STEAP3: variants seen among roughly 807,000 people sequenced by gnomAD.
The protein encoded by STEAP3 is STEAP3 metalloreductase, also known as metalloreductase STEAP3.
STEAP3 carries 35 observed loss-of-function variants against 34.9 expected under a neutral mutation model. The ratio of observed to expected loss-of-function variants is 1.00; its 90% confidence interval spans 0.76 to 1.33. The LOEUF (loss-of-function observed/expected upper bound fraction) is 1.33. Among genes scored for constraint, STEAP3 ranks in the 40% most tolerant of loss-of-function variants. STEAP3 has a pLI of 0.00. For synonymous variants in STEAP3, 281 were observed against 301.6 expected, an observed-to-expected ratio of 0.93 and a Z score of 0.71; for missense variants, 652 against 667.6, an observed-to-expected ratio of 0.98 and a Z score of 0.26.
intron 5 of STEAP3, among the ~76,000 whole-genome samples, chr2:119,256,325 A>G (rs1280645644): frequency 6.6e-6 from 1 of 152,124 alleles, no homozygotes; most frequent in Non-Finnish European, 1.5e-5. Context: ...TGGCTGACAC[A>G]TGTTAGCATA....
chr2:119,224,426 C>T (rs1678972635), intron 1 of STEAP3, among the ~76,000 whole-genome samples: 1 of 152,204 alleles, frequency 6.6e-6, no homozygotes, highest in African/African-American at 2.4e-5. Flanking sequence ...CTCACCAGTG[C>T]CCGCCTCTGC....
chr2:119,257,773 A>C, intron 5 of STEAP3: 1 of 1,299,848 alleles, frequency 7.7e-7, no homozygotes, highest in Non-Finnish European at 9.8e-7. Context: ...ACACATGTCC[A>C]CAGCAGACAC....
At position 119,230,814 on chromosome 2, in the gene STEAP3, C is replaced by T. The variant is rs545333120; in HGVS notation, c.-199C>T. 3.0e-6 allele frequency: 2 copies of T among 667,598 alleles called. No individual in the cohort carries two copies. The highest frequency in any genetic ancestry group is 1.8e-5 in the African/African-American group (1 of 56,618). The allele number at this position is 667,598 out of a possible 1,614,324, so 41.4% of individuals were successfully genotyped here. ...ATCAGTCACCACTCCCGGTCCAGCC[C>T]CTGTGGCCAAGAGCTGGCGTGCAGG... On this transcript the variant is annotated 5_prime_UTR_variant, in exon 2 of 6. Coordinates refer to ENST00000393110, the MANE Select transcript of STEAP3 (RefSeq NM_182915.3).
chr2:119,232,227 T>C (rs1376166670), intron 2 of STEAP3, among the ~76,000 whole-genome samples: 1 of 152,178 alleles, frequency 6.6e-6, no homozygotes, highest in Non-Finnish European at 1.5e-5. Context: ...CAGAGGCAGC[T>C]TGAATGCAGG....
chr2:119,230,879 C>T lies in STEAP3; in HGVS notation c.-134C>T, dbSNP rs1676909634. On this transcript the variant is annotated 5_prime_UTR_variant, in exon 2 of 6. Coordinates refer to ENST00000393110, the MANE Select transcript of STEAP3 (RefSeq NM_182915.3). ...TGGCTGTGCAAGACCCTGGCAGGGCCCTCGCCTCCTGAGAAACCGAGAGTC... is the reference window on the plus strand; with the variant it reads ...TGGCTGTGCAAGACCCTGGCAGGGCTCTCGCCTCCTGAGAAACCGAGAGTC... 2.5e-6 allele frequency: 3 copies of T among 1,218,586 alleles called. No individual in the cohort carries two copies. In the South Asian group the frequency reaches 3.8e-5, roughly 15 times the overall value. The allele number at this position is 1,218,586 out of a possible 1,614,324, so 75.5% of individuals were successfully genotyped here.
chr2:119,250,328 G>C (rs890394132), intron 4 of STEAP3, among the ~76,000 whole-genome samples: 2 of 152,226 alleles, frequency 1.3e-5, no homozygotes, highest in African/African-American at 4.8e-5. Context: ...GCTAGAGGCT[G>C]GACTCCTGCT....
intron 5 of STEAP3, chr2:119,257,670 T>C (rs1677815998): frequency 3.5e-6 from 5 of 1,425,970 alleles, no homozygotes; most frequent in Non-Finnish European, 4.6e-6. Flanking sequence ...CAGCCAACAG[T>C]GGCATGCTGG....
At chr2:119,231,705 C>T (rs1676942577) in intron 2 of STEAP3, among the ~76,000 whole-genome samples, 1 of 152,194 alleles carries the variant, frequency 6.6e-6, no homozygotes, top group East Asian at 1.9e-4. Context: ...AGGAACTTCT[C>T]AGCCTTCCTT....
chr2:119,243,107 A>T (rs1677299787), intron 2 of STEAP3, among the ~76,000 whole-genome samples: 1 of 152,146 alleles, frequency 6.6e-6, no homozygotes, highest in South Asian at 2.1e-4. Flanking sequence ...GGAAAGCATG[A>T]TCCCCACAAA....
chr2:119,257,245 G>A lies in STEAP3; in HGVS notation c.1215+2397G>A, dbSNP rs75715860. On this transcript the variant is annotated intron_variant, in intron 5 of 5. Coordinates refer to ENST00000393110, the MANE Select transcript of STEAP3 (RefSeq NM_182915.3). ...TTATATGGAATTGCTAGTTTTATTT[G>A]CAAATGTAGCATACCTCGTTGTCTA... is the stretch of plus-strand genomic sequence containing the variant. Among the ~76,000 whole-genome samples, 222 of 152,334 alleles carry A rather than the reference G, an allele frequency of 1.5e-3. No individual in the cohort carries two copies. In the East Asian group the frequency reaches 0.04, roughly 27 times the overall value.
intron 4 of STEAP3, among the ~76,000 whole-genome samples, chr2:119,249,751 C>T (rs1397318027): frequency 1.3e-5 from 2 of 152,320 alleles, no homozygotes; most frequent in Middle Eastern, 3.4e-3. Flanking sequence ...AGCAGCTACT[C>T]GACTGCCCTC....
chr2:119,245,194 T>C (rs838084), intron 2 of STEAP3: 401,564 of 402,118 alleles, frequency 1, 200,509 homozygotes, highest in East Asian at 1. Context: ...ATTCCAGAGT[T>C]CCCTTTCCCA....
intron 1 of STEAP3, among the ~76,000 whole-genome samples, chr2:119,226,900 A>C (rs559568062): frequency 6.6e-5 from 10 of 152,084 alleles, no homozygotes; most frequent in Non-Finnish European, 1.3e-4. Context: ...GTGACTTTCC[A>C]ACTCCATATG....
intron 5 of STEAP3, among the ~76,000 whole-genome samples, chr2:119,260,305 CT>C (rs111601276): frequency 0.026 from 3,339 of 130,472 alleles, 126 homozygotes; most frequent in African/African-American, 0.085. Flanking sequence ...AAGACTTACT[CT>C]TTTTTTTTTT....
chr2:119,262,663 C>T (rs1383649043), intron 5 of STEAP3, among the ~76,000 whole-genome samples: 1 of 152,182 alleles, frequency 6.6e-6, no homozygotes, highest in East Asian at 1.9e-4. Context: ...CAGGCGAGAG[C>T]CACCGCAGCA....
chr2:119,258,774 ATTTTTTTT>A (rs57860527), intron 5 of STEAP3, among the ~76,000 whole-genome samples: 8,950 of 121,078 alleles, frequency 0.074, 355 homozygotes, highest in Non-Finnish European at 0.092. Flanking sequence ...CACCTGGCTA[ATTTTTTTT>A]TTTTTTTTTT....
At chr2:119,231,795 T>C (rs1237370637) in intron 2 of STEAP3, among the ~76,000 whole-genome samples, 1 of 152,142 alleles carries the variant, frequency 6.6e-6, no homozygotes. Flanking sequence ...GTAAAACGTT[T>C]GTAAGAGTCC....
At chr2:119,252,853 GA>G (rs140710735) in intron 4 of STEAP3, among the ~76,000 whole-genome samples, 3,436 of 152,088 alleles carry the variant, frequency 0.023, 125 homozygotes, top group African/African-American at 0.079. Context: ...AATGTTAGAG[GA>G]AAAAAACAAG....
chr2:119,242,591 T>C (rs10196144), intron 2 of STEAP3, among the ~76,000 whole-genome samples: 50,958 of 152,066 alleles, frequency 0.34, 9,807 homozygotes, highest in East Asian at 0.66. Context: ...GCCCTACTGC[T>C]GGCACGGAGC....
Sources: gnomAD v4.1 joint callset for allele counts (sites outside exome capture counted in the v4.1 genomes callset) on GRCh38, gnomAD v4.1.1 for gene constraint, MANE v1.5 for transcripts, NCBI Gene and HGNC (gene_info 2026-07-23, HGNC 2026-07-21) for gene names.